PLCB1: variants seen among roughly 807,000 people sequenced by gnomAD.
PLCB1 encodes 1-phosphatidylinositol 4,5-bisphosphate phosphodiesterase beta-1.
A neutral mutation model predicts 161.8 loss-of-function variants in PLCB1; 46 were observed. That is an observed-to-expected ratio of 0.28 (90% CI 0.22 to 0.36). The LOEUF is 0.36. PLCB1 is among the 10% of genes least tolerant of loss of function. The pLI is 1.00. For missense variants in PLCB1, 1,016 were observed against 1,472.5 expected (o/e 0.69, Z 5.07); for synonymous variants, 517 against 503.7 (o/e 1.03, Z -0.35).
intron 3 of PLCB1, among the ~76,000 whole-genome samples, chr20:8,417,420 C>T (rs1309245387): frequency 6.6e-6 from 1 of 150,466 alleles, no homozygotes; most frequent in Non-Finnish European, 1.5e-5. Context: ...GATCTTAGCA[C>T]TAGGACTCTG....
At chr20:8,400,556 G>A (rs1434555720) in intron 3 of PLCB1, among the ~76,000 whole-genome samples, 8 of 152,026 alleles carry the variant, frequency 5.3e-5, no homozygotes, top group Admixed American at 5.2e-4. Flanking sequence ...CATTTCTTCT[G>A]TTCCCTTCCC....
chr20:8,431,014 G>C (rs1180958576), intron 3 of PLCB1, among the ~76,000 whole-genome samples: 1 of 151,940 alleles, frequency 6.6e-6, no homozygotes, highest in Non-Finnish European at 1.5e-5. Context: ...TTTATCTTTA[G>C]TAGTTTGACG....
chr20:8,309,236 G>T (rs1039567124), intron 2 of PLCB1, among the ~76,000 whole-genome samples: 2 of 152,094 alleles, frequency 1.3e-5, no homozygotes, highest in Non-Finnish European at 2.9e-5. Flanking sequence ...GAACAAGGGG[G>T]TATGCTTTTC....
At chr20:8,842,114 A>C (rs1986525927) in intron 31 of PLCB1, among the ~76,000 whole-genome samples, 1 of 152,144 alleles carries the variant, frequency 6.6e-6, no homozygotes, top group Non-Finnish European at 1.5e-5. Context: ...ATGAGATTTG[A>C]CCACTGCACA....
At chr20:8,465,606 G>A (rs1981784219) in intron 3 of PLCB1, among the ~76,000 whole-genome samples, 1 of 152,108 alleles carries the variant, frequency 6.6e-6, no homozygotes, top group Admixed American at 6.6e-5. Flanking sequence ...TATCTTCAGG[G>A]TGAAACCTGG....
intron 31 of PLCB1, among the ~76,000 whole-genome samples, chr20:8,836,806 G>T (rs187138676): frequency 6.6e-6 from 1 of 152,150 alleles, no homozygotes; most frequent in Non-Finnish European, 1.5e-5. Context: ...TGAGCTCAGG[G>T]TTTGAATTCC....
intron 2 of PLCB1, among the ~76,000 whole-genome samples, chr20:8,320,836 AG>A (rs1218368723): frequency 8.0e-6 from 1 of 124,702 alleles, no homozygotes; most frequent in African/African-American, 2.9e-5. Flanking sequence ...GGAGAGAGGG[AG>A]GGAGGGAGGG....
chr20:8,468,815 A>G (rs1002551238), intron 3 of PLCB1, among the ~76,000 whole-genome samples: 2 of 152,204 alleles, frequency 1.3e-5, no homozygotes, highest in Admixed American at 6.5e-5. Context: ...TAAAAATGAT[A>G]TTAATTTTAT....
At chr20:8,778,577 G>A (rs949339188) in intron 27 of PLCB1, among the ~76,000 whole-genome samples, 5 of 152,200 alleles carry the variant, frequency 3.3e-5, no homozygotes, top group African/African-American at 1.2e-4. Flanking sequence ...GAAGGAATGT[G>A]AGTACACATT....
At chr20:8,499,257 A>G (rs1337074870) in intron 3 of PLCB1, among the ~76,000 whole-genome samples, 1 of 152,208 alleles carries the variant, frequency 6.6e-6, no homozygotes, top group Non-Finnish European at 1.5e-5. Flanking sequence ...TAATTCTGAG[A>G]AACATACAAG....
rs544685775 is a variant in PLCB1, at chr20:8,442,330, T to C, written c.246+70880T>C. Among the ~76,000 whole-genome samples the C allele has an allele frequency of 4.1e-4, 63 of 152,352 alleles. No individual in the cohort carries two copies. The South Asian group carries it at 9.1e-3, about 22-fold the overall frequency. On this transcript the variant is annotated intron_variant, in intron 3 of 31. Coordinates refer to ENST00000338037, the MANE Select transcript of PLCB1 (RefSeq NM_015192.4). ...TTCGTTGTCTGTGAGGGTGGCTCTCTGCTTCCAAGATGGTTCCTCTAGAGG... is the reference window on the plus strand; with the variant it reads ...TTCGTTGTCTGTGAGGGTGGCTCTCCGCTTCCAAGATGGTTCCTCTAGAGG...
chr20:8,750,821 T>G, intron 23 of PLCB1: 1 of 1,363,344 alleles, frequency 7.3e-7, no homozygotes, highest in Non-Finnish European at 9.8e-7. Context: ...TTCTGCATGA[T>G]GAAATTATGA....
intron 23 of PLCB1, among the ~76,000 whole-genome samples, chr20:8,746,357 G>A (rs1036681766): frequency 6.6e-6 from 1 of 152,064 alleles, no homozygotes; most frequent in Non-Finnish European, 1.5e-5. Flanking sequence ...AAAGGAAAAA[G>A]TAAATATCCA....
chr20:8,180,554 A>T (rs2051830417), intron 2 of PLCB1, among the ~76,000 whole-genome samples: 1 of 152,190 alleles, frequency 6.6e-6, no homozygotes, highest in Non-Finnish European at 1.5e-5. Flanking sequence ...GCTATATAAG[A>T]AACAGAGTTG....
intron 3 of PLCB1, among the ~76,000 whole-genome samples, chr20:8,548,247 T>C (rs774762813): frequency 2.6e-5 from 3 of 114,188 alleles, no homozygotes; most frequent in Non-Finnish European, 3.7e-5. Flanking sequence ...CCCCTCTTCC[T>C]CTTTTTCACC....
chr20:8,835,812 T>G (rs1206408850), intron 31 of PLCB1, among the ~76,000 whole-genome samples: 1 of 151,260 alleles, frequency 6.6e-6, no homozygotes, highest in Non-Finnish European at 1.5e-5. Flanking sequence ...GGCATCTGGG[T>G]CAGTGAGCTT....
At chr20:8,651,498 A>G (rs1225226750) in intron 7 of PLCB1, 2 of 720,790 alleles carry the variant, frequency 2.8e-6, no homozygotes, top group East Asian at 5.3e-5. Context: ...TTTATAAAGC[A>G]AAATAAAATG....
chr20:8,716,775 C>T (rs1979338081), intron 13 of PLCB1, among the ~76,000 whole-genome samples: 1 of 152,296 alleles, frequency 6.6e-6, no homozygotes, highest in South Asian at 2.1e-4. Flanking sequence ...CTTGGATGCA[C>T]CTTTTGGTGT....
chr20:8,535,202 C>CAAAAAAAAA (rs11323420), intron 3 of PLCB1, among the ~76,000 whole-genome samples: 2 of 52,794 alleles, frequency 3.8e-5, no homozygotes, highest in Non-Finnish European at 7.0e-5. Context: ...AGTTTATGGG[C>CAAAAAAAAA]AAAAAAAAAA....
Sources: gnomAD v4.1 joint callset for allele counts (sites outside exome capture counted in the v4.1 genomes callset) on GRCh38, gnomAD v4.1.1 for gene constraint, MANE v1.5 for transcripts, NCBI Gene and HGNC (gene_info 2026-07-23, HGNC 2026-07-21) for gene names.